Variants in SLC25A48 observed in about 807,000 individuals in gnomAD.
SLC25A48 encodes the protein solute carrier family 25 member 48.
Under a neutral mutation model 32.2 loss-of-function variants are expected in SLC25A48, and 29 were observed. That is an observed-to-expected ratio of 0.90 (90% CI 0.67 to 1.23). SLC25A48 has a LOEUF of 1.23. Among genes scored for constraint, SLC25A48 ranks in the 50% most tolerant of loss-of-function variants. SLC25A48 has a pLI of 0.00. For missense variants in SLC25A48, 399 were observed against 422.7 expected, an observed-to-expected ratio of 0.94 and a Z score of 0.49; for synonymous variants, 164 against 172.3, an observed-to-expected ratio of 0.95 and a Z score of 0.38.
chr5:135,597,145 TA>T (rs1751674295), intron 1 of SLC25A48, among the ~76,000 whole-genome samples: 1 of 152,232 alleles, frequency 6.6e-6, no homozygotes, highest in Non-Finnish European at 1.5e-5. Context: ...ATTTGAGGAT[TA>T]AATGAGTTAA....
At chr5:135,646,131 G>A (rs1489722535) in intron 3 of SLC25A48, among the ~76,000 whole-genome samples, 1 of 152,168 alleles carries the variant, frequency 6.6e-6, no homozygotes, top group African/African-American at 2.4e-5. Context: ...TGAGGATTAC[G>A]TTCCAAGGCC....
intron 3 of SLC25A48, among the ~76,000 whole-genome samples, chr5:135,641,044 A>G (rs1247698527): frequency 2.6e-5 from 4 of 152,244 alleles, no homozygotes; most frequent in African/African-American, 9.6e-5. Flanking sequence ...GGAAAGAAAT[A>G]GAACTGTCTT....
intron 3 of SLC25A48, among the ~76,000 whole-genome samples, chr5:135,799,902 A>G (rs960594758): frequency 1.3e-5 from 2 of 151,956 alleles, no homozygotes; most frequent in Middle Eastern, 3.4e-3. Flanking sequence ...ATTACTCCCA[A>G]TATCTCAGGG....
Position 135,742,408 on chromosome 5 carries a change from C to T in SLC25A48, c.-520-70115C>T, listed in dbSNP as rs187875014. 6,796 of 1,344,692 alleles carry T rather than the reference C, an allele frequency of 5.1e-3. 21 individuals are homozygous for T. The highest frequency in any genetic ancestry group is 6.0e-3 in the Non-Finnish European group (6,159 of 1,021,988). 83.3% of individuals were successfully genotyped at this position (1,344,692 alleles called of 1,614,324 possible). A position where few individuals can be genotyped will look rare whatever the true frequency, so the allele number is the denominator to read the frequency against. On this transcript the variant is annotated intron_variant, in intron 3 of 10. Coordinates refer to the SLC25A48 transcript ENST00000646290. Reference sequence around the variant, plus strand: ...GGAATCCGTTATTTAATAGCCATCACGACCCTCAGATAGAATGAACATCTC... The same window carrying T: ...GGAATCCGTTATTTAATAGCCATCATGACCCTCAGATAGAATGAACATCTC...
At chr5:135,649,891 CA>C (rs1753065831) in intron 3 of SLC25A48, 1 of 167,334 alleles carries the variant, frequency 6.0e-6, no homozygotes, top group Non-Finnish European at 1.3e-5. Flanking sequence ...CTAGATTAAG[CA>C]CAGCACCCAT....
At chr5:135,631,432 G>A (rs1410948985) in intron 2 of SLC25A48, among the ~76,000 whole-genome samples, 1 of 152,220 alleles carries the variant, frequency 6.6e-6, no homozygotes, top group Admixed American at 6.5e-5. Context: ...GATATTGGCA[G>A]CCTTTTATCT....
chr5:135,839,942 A>G (rs1168506929), intron 1 of SLC25A48, among the ~76,000 whole-genome samples: 1 of 152,178 alleles, frequency 6.6e-6, no homozygotes, highest in Non-Finnish European at 1.5e-5. Context: ...TGGCCTCCCC[A>G]GCTATGTGGG....
chr5:135,759,032 GAC>G (rs1343144348), intron 3 of SLC25A48, among the ~76,000 whole-genome samples: 2 of 150,524 alleles, frequency 1.3e-5, no homozygotes, highest in South Asian at 2.1e-4. Context: ...ATCAAGTGTT[GAC>G]ACACTATAAT....
chr5:135,693,878 C>T (rs1008572349), intron 3 of SLC25A48, among the ~76,000 whole-genome samples: 3 of 152,228 alleles, frequency 2.0e-5, no homozygotes, highest in Non-Finnish European at 2.9e-5. Context: ...CGATGGGCCT[C>T]CCCAGCCTCC....
intron 3 of SLC25A48, among the ~76,000 whole-genome samples, chr5:135,788,593 G>A (rs928854752): frequency 6.7e-6 from 1 of 148,554 alleles, no homozygotes; most frequent in Non-Finnish European, 1.5e-5. Flanking sequence ...ACACACCCCC[G>A]CCCTATGCTT....
At chr5:135,736,874 C>G (rs1302220737) in intron 3 of SLC25A48, among the ~76,000 whole-genome samples, 1 of 151,900 alleles carries the variant, frequency 6.6e-6, no homozygotes, top group African/African-American at 2.4e-5. Context: ...GGCACCAAGA[C>G]TGAAAGGAGA....
chr5:135,743,074 A>ATT lies in SLC25A48; in HGVS notation c.-520-69431_-520-69430dup, dbSNP rs1283331243. Among the ~76,000 whole-genome samples, 25 of 10,932 alleles carry ATT rather than the reference A, an allele frequency of 2.3e-3. 1 individual carries two copies. The highest frequency in any genetic ancestry group is 5.1e-3 in the African/African-American group (25 of 4,920). The allele number at this position is 10,932 out of a possible 152,430, so 7.2% of individuals were successfully genotyped here. On this transcript the variant is annotated intron_variant, in intron 3 of 10. Transcript: ENST00000646290. ...CCCTCCCCTCCCTTCCCTTCCCTTCATTTTTTTTTTTTTTTTTTTGACAGA... is the reference window on the plus strand; with the variant it reads ...CCCTCCCCTCCCTTCCCTTCCCTTCATTTTTTTTTTTTTTTTTTTTTGACAGA...
rs1411257950 is a variant in SLC25A48 at position 135,646,662 on chromosome 5, TA to T, written c.-521+11707del. Among the ~76,000 whole-genome samples, 9 of 34,718 alleles carry T rather than the reference TA, an allele frequency of 2.6e-4. 1 individual carries two copies. Among genetic ancestry groups the T allele is most frequent in the South Asian group, 1.0e-3 (1 of 988 alleles). The allele number at this position is 34,718 out of a possible 152,430, so 22.8% of individuals were successfully genotyped here. A position where few individuals can be genotyped will look rare whatever the true frequency, so the allele number is the denominator to read the frequency against. On this transcript the variant is annotated intron_variant, in intron 3 of 10. Coordinates refer to the SLC25A48 transcript ENST00000646290. Reference sequence around the variant, plus strand: ...GCATTTATAATATAATTTCCCATTATATATATATATATATATACAATGGGAA... The same window carrying T: ...GCATTTATAATATAATTTCCCATTATTATATATATATATATACAATGGGAA...
chr5:135,863,690 A>G (rs762630810), intron 4 of SLC25A48, among the ~76,000 whole-genome samples: 3 of 152,184 alleles, frequency 2.0e-5, no homozygotes, highest in Non-Finnish European at 2.9e-5. Flanking sequence ...CCGAGGCTGA[A>G]TTACATAATT....
At chr5:135,702,003 G>A (rs1754406468) in intron 3 of SLC25A48, among the ~76,000 whole-genome samples, 1 of 152,196 alleles carries the variant, frequency 6.6e-6, no homozygotes, top group Admixed American at 6.5e-5. Flanking sequence ...TAGGTGTTAG[G>A]ATGTTTACAT....
chr5:135,613,249 C>A (rs1752113925), intron 1 of SLC25A48, among the ~76,000 whole-genome samples: 1 of 152,040 alleles, frequency 6.6e-6, no homozygotes, highest in African/African-American at 2.4e-5. Context: ...GTCCTTTGCC[C>A]ACTTTTTAAT....
chr5:135,881,162 C>CCGG (rs1462340478), intron 7 of SLC25A48, among the ~76,000 whole-genome samples: 1 of 152,222 alleles, frequency 6.6e-6, no homozygotes, highest in African/African-American at 2.4e-5. Flanking sequence ...TGGCCCCATA[C>CCGG]CGGCTACCTG....
chr5:135,809,677 G>A (rs1757550604), intron 3 of SLC25A48, among the ~76,000 whole-genome samples: 1 of 152,122 alleles, frequency 6.6e-6, no homozygotes, highest in African/African-American at 2.4e-5. Flanking sequence ...CCACTGATCT[G>A]TCCTCTGTCC....
At chr5:135,832,685 C>T (rs958953676), upstream of SLC25A48, among the ~76,000 whole-genome samples, 2 of 152,190 alleles carry the variant, frequency 1.3e-5, no homozygotes, top group Non-Finnish European at 2.9e-5. Flanking sequence ...CTAGCACAGA[C>T]TGATGCTCAG....
Sources: allele counts gnomAD v4.1 joint callset (sites outside exome capture counted in the v4.1 genomes callset), GRCh38; gene constraint gnomAD v4.1.1; transcripts MANE v1.5; gene names NCBI Gene and HGNC (gene_info 2026-07-23, HGNC 2026-07-21).